The following MSH5 variants were observed in gnomAD, a reference collection of about 807,000 sequenced individuals.
MSH5 encodes mutS homolog 5.
A neutral mutation model predicts 107.7 loss-of-function variants in MSH5; 78 were observed. The ratio of observed to expected loss-of-function variants is 0.72; its 90% confidence interval spans 0.60 to 0.87. The LOEUF (loss-of-function observed/expected upper bound fraction) is 0.87, where lower values mean the gene tolerates loss of function less well. MSH5 is among the 40% of genes least tolerant of loss of function. MSH5 has a pLI of 0.00. For missense variants in MSH5, 889 were observed against 1,046.6 expected, an observed-to-expected ratio of 0.85 and a Z score of 2.08; for synonymous variants, 326 against 399.5, an observed-to-expected ratio of 0.82 and a Z score of 2.19.
At chr6:31,752,180 C>T (rs1810021490) in intron 10 of MSH5, among the ~76,000 whole-genome samples, 1 of 151,960 alleles carries the variant, frequency 6.6e-6, no homozygotes, top group Admixed American at 6.6e-5. Flanking sequence ...GTGGCTCATG[C>T]CTGTAATCCC....
In MSH5 at chr6:31,762,401, G is replaced by A. The variant is rs1256102911; in HGVS notation, c.2394-19G>A. On this transcript the variant is annotated intron_variant, in intron 24 of 24. Coordinates refer to ENST00000375750, the MANE Select transcript of MSH5 (RefSeq NM_172166.4). ...TTGTCCATTCTGCCATAAATCTTGCGATTTTCTCTCTTCTTCAGTTGCCAG... is the reference window on the plus strand; with the variant it reads ...TTGTCCATTCTGCCATAAATCTTGCAATTTTCTCTCTTCTTCAGTTGCCAG... The A allele has an allele frequency of 7.6e-6, 12 of 1,585,350 alleles. No individual in the cohort carries two copies. Among genetic ancestry groups the A allele is most frequent in the South Asian group, 1.1e-5 (1 of 90,476 alleles).
At chr6:31,756,065 T>C (rs1003860978) in intron 12 of MSH5, among the ~76,000 whole-genome samples, 1 of 151,984 alleles carries the variant, frequency 6.6e-6, no homozygotes, top group Non-Finnish European at 1.5e-5. Flanking sequence ...TTTTCAATAC[T>C]GTTTTAGAAG....
At chr6:31,741,413 C>T (rs967366316) in intron 3 of MSH5, 127 bp downstream of exon 3, 111 of 1,310,682 alleles carry the variant, frequency 8.5e-5, no homozygotes, top group Non-Finnish European at 1.1e-4. Context: ...GAGTCTTGCT[C>T]TGTTACCCAG....
chr6:31,746,996 T>G (rs1050195285), intron 9 of MSH5, among the ~76,000 whole-genome samples: 2 of 152,082 alleles, frequency 1.3e-5, no homozygotes, highest in Admixed American at 1.3e-4. Flanking sequence ...ATTTTTTGTA[T>G]TTTTAGTAGA....
rs759352714 is a variant in MSH5, at chr6:31,759,598, G to A, written c.1495+86G>A. 2.4e-4 allele frequency: 345 copies of A among 1,464,116 alleles called. No individual in the cohort carries two copies. Among genetic ancestry groups the A allele is most frequent in the Admixed American group, 3.8e-4 (21 of 55,976 alleles). The allele number at this position is 1,464,116 out of a possible 1,614,324, so 90.7% of individuals were successfully genotyped here. ...GAAGGAGGGGAGTGGGCAACTTGGG[G>A]ATGCTTCCAACAGGCCCCTCCTCTT... On this transcript the variant is annotated intron_variant, in intron 17 of 24. Coordinates refer to ENST00000375750, the MANE Select transcript of MSH5 (RefSeq NM_172166.4). This position sits in a 1 kb window ranked among gnomAD's most constrained non-coding sequence, Gnocchi z 4.7.
At chr6:31,743,220 CT>C (rs1809080776) in intron 5 of MSH5, 50 bp downstream of exon 5, 3 of 1,576,162 alleles carry the variant, frequency 1.9e-6, no homozygotes, top group Admixed American at 1.7e-5. Flanking sequence ...GTGTCCCATT[CT>C]TTCCCCCAAC....
At position 31,761,573 on chromosome 6, in the gene MSH5, T is replaced by C. The variant is rs763835975; in HGVS notation, c.2139T>C (p.Val713=). Residue 713 remains valine, a synonymous_variant, in exon 22 of 25, where the codon GTT becomes GTC. Transcript: ENST00000375750. The surrounding 1 kb of genome is among the most constrained non-coding windows in gnomAD (Gnocchi z 5.3). Reference sequence around the variant, plus strand: ...TGGCCACCAACTTTCTGAGCCTTGTTCAGCTACAACTGCTGCCACAAGGGC... The same window carrying C: ...TGGCCACCAACTTTCTGAGCCTTGTCCAGCTACAACTGCTGCCACAAGGGC... ...IFVATNFLSL[V]QLQLLPQGPL... is the part of the protein sequence containing the mutation. 1 of 1,613,942 alleles carries C rather than the reference T, an allele frequency of 6.2e-7. No homozygotes were observed. The highest frequency in any genetic ancestry group is 1.3e-5 in the African/African-American group (1 of 74,942).
At position 31,760,579 on chromosome 6, in the gene MSH5, C is replaced by G. The variant is rs1257982586; in HGVS notation, c.1813-111C>G. 9.4e-6 allele frequency: 13 copies of G among 1,386,854 alleles called. No individual in the cohort carries two copies. The highest frequency in any genetic ancestry group is 1.2e-5 in the Non-Finnish European group (12 of 981,202). 85.9% of individuals were successfully genotyped at this position (1,386,854 alleles called of 1,614,324 possible). ...GAGTCAGTGTGTCTGTTACCTATTT[C>G]TCCTGTTTCACCCTGTCCATTTCTC... is the stretch of plus-strand genomic sequence containing the variant. On this transcript the variant is annotated intron_variant, in intron 19 of 24. Coordinates refer to ENST00000375750, the MANE Select transcript of MSH5 (RefSeq NM_172166.4). The surrounding 1 kb of genome is among the most constrained non-coding windows in gnomAD (Gnocchi z 5.6).
Position 31,743,997 on chromosome 6 carries a change from C to G in MSH5, c.509C>G (p.Ser170Cys), listed in dbSNP as rs544248641. ...TATEKILFLSSIIPFDCLLTV... is the reference protein window; with the variant it reads ...TATEKILFLSCIIPFDCLLTV... ...ACTGAGAAAATCCTCTTCCTCTCTTCCATTATTCCCTTTGACTGCCTCCTC... is the reference window on the plus strand; with the variant it reads ...ACTGAGAAAATCCTCTTCCTCTCTTGCATTATTCCCTTTGACTGCCTCCTC... Residue 170 changes from serine to cysteine, a missense_variant, in exon 6 of 25, where the codon TCC becomes TGC. This residue lies in a region of MSH5 where 518 missense variants were observed against 565.0 expected (regional missense o/e 0.92). Coordinates refer to ENST00000375750, the MANE Select transcript of MSH5 (RefSeq NM_172166.4). 11 of 1,614,166 alleles carry G rather than the reference C, an allele frequency of 6.8e-6. No individual in the cohort carries two copies. Among genetic ancestry groups the G allele is most frequent in the Non-Finnish European group, 9.3e-6 (11 of 1,180,046 alleles).
chr6:31,740,013 G>A lies in MSH5; in HGVS notation c.-63G>A, dbSNP rs932617839. On this transcript the variant is annotated 5_prime_UTR_variant, in exon 1 of 25. Coordinates refer to ENST00000375750, the MANE Select transcript of MSH5 (RefSeq NM_172166.4). The surrounding 1 kb of genome is among the most constrained non-coding windows in gnomAD (Gnocchi z 4.4). ...CACGCGCCGGCGCGCTCCTTTTGCA[G>A]GCTCGTGGCGGTCGGTCAGCGGGGC... 1 of 153,028 alleles carries A rather than the reference G, an allele frequency of 6.5e-6. No individual in the cohort carries two copies. Among genetic ancestry groups the A allele is most frequent in the Non-Finnish European group, 1.5e-5 (1 of 68,764 alleles). The allele number at this position is 153,028 out of a possible 1,614,324, so 9.5% of individuals were successfully genotyped here. A position where few individuals can be genotyped will look rare whatever the true frequency, so the allele number is the denominator to read the frequency against.
chr6:31,742,786 A>G (rs1345847724), intron 3 of MSH5, 91 bp from the exon 4 acceptor site: 3 of 1,208,190 alleles, frequency 2.5e-6, no homozygotes, highest in South Asian at 1.2e-5. Context: ...GTTTTTGAGA[A>G]GGAGAGGGGT....
Position 31,758,443 on chromosome 6 carries a change from A to G in MSH5, c.1144-105A>G. On this transcript the variant is annotated intron_variant, in intron 13 of 24. Coordinates refer to ENST00000375750, the MANE Select transcript of MSH5 (RefSeq NM_172166.4). The surrounding 1 kb of genome is among the most constrained non-coding windows in gnomAD (Gnocchi z 5.1). ...AGCAGAACTTCAGGGAAGTATCTGG[A>G]GGGTGAGAGTTAAAGGAGGACTGCA... 1 of 1,553,358 alleles carries G rather than the reference A, an allele frequency of 6.4e-7. No homozygotes were observed. The highest frequency in any genetic ancestry group is 2.3e-5 in the East Asian group (1 of 44,406).
intron 12 of MSH5, chr6:31,757,915 C>A: frequency 1.8e-6 from 1 of 546,146 alleles, no homozygotes; most frequent in Admixed American, 3.3e-5. Flanking sequence ...GGTGATCTAC[C>A]CACCTCAGCC....
Position 31,743,984 on chromosome 6 carries a change from C to G in MSH5, c.496C>G (p.Leu166Val), listed in dbSNP as rs200847013. 7.4e-6 allele frequency: 12 copies of G among 1,613,930 alleles called. No homozygotes were observed. Among genetic ancestry groups the G allele is most frequent in the Non-Finnish European group, 1.0e-5 (12 of 1,180,048 alleles). The change falls in exon 6 of 25, where the codon CTC becomes GTC. Residue 166 changes from leucine (L) to valine (V), a missense_variant. By Grantham distance (32) the Leu-to-Val change is conservative (BLOSUM62 1). Coordinates refer to ENST00000375750, the MANE Select transcript of MSH5 (RefSeq NM_172166.4). ...PDAMTATEKILFLSSIIPFDC... is the reference protein window; with the variant it reads ...PDAMTATEKIVFLSSIIPFDC... ...CGCCATGACTGCCACTGAGAAAATC[C>G]TCTTCCTCTCTTCCATTATTCCCTT...
chr6:31,751,286 G>A (rs1581535155), intron 10 of MSH5, among the ~76,000 whole-genome samples: 1 of 151,900 alleles, frequency 6.6e-6, no homozygotes, highest in Admixed American at 6.6e-5. Flanking sequence ...GTGAGCCACC[G>A]CACCTGGCCT....
In MSH5 at chr6:31,761,326, A is replaced by C. The variant is rs1433457522; in HGVS notation, c.2037+64A>C. 10 of 1,607,036 alleles carry C rather than the reference A, an allele frequency of 6.2e-6. No homozygotes were observed. Among genetic ancestry groups the C allele is most frequent in the Non-Finnish European group, 8.5e-6 (10 of 1,175,398 alleles). On this transcript the variant is annotated intron_variant, in intron 21 of 24. Coordinates refer to ENST00000375750, the MANE Select transcript of MSH5 (RefSeq NM_172166.4). This position sits in a 1 kb window ranked among gnomAD's most constrained non-coding sequence, Gnocchi z 5.3. ...GGAAAATGGAGGAGGATGAAGGAGC[A>C]TGACAGTGAGGCTGGGCCTCTGGAA...
In MSH5 at chr6:31,761,981, C is replaced by T. The variant is rs1241193934; in HGVS notation, c.2319+26C>T. On this transcript the variant is annotated intron_variant, in intron 23 of 24. Coordinates refer to ENST00000375750, the MANE Select transcript of MSH5 (RefSeq NM_172166.4). This position sits in a 1 kb window ranked among gnomAD's most constrained non-coding sequence, Gnocchi z 5.3. The stretch of plus-strand genomic sequence containing the variant: ...GTGATGAGATCCAAATGTGCAACCA[C>T]CTCCACATCAGAGCTCCCTTTCATT... 3 of 1,613,550 alleles carry T rather than the reference C, an allele frequency of 1.9e-6. No individual in the cohort carries two copies. The highest frequency in any genetic ancestry group is 2.7e-5 in the African/African-American group (2 of 74,914).
chr6:31,741,471 T>G (rs1277812379), intron 3 of MSH5, among the ~76,000 whole-genome samples, 185 bp downstream of exon 3: 2 of 151,962 alleles, frequency 1.3e-5, no homozygotes, highest in Non-Finnish European at 2.9e-5. Flanking sequence ...CTCCACCTCC[T>G]GGGTTCAAGC....
rs1562244245 is a variant in MSH5 at position 31,758,529 on chromosome 6, A to G, written c.1144-19A>G. On this transcript the variant is annotated intron_variant, in intron 13 of 24. Transcript: ENST00000375750. The surrounding 1 kb of genome is among the most constrained non-coding windows in gnomAD (Gnocchi z 5.1). ...GACAGAGGGTGCCAGGTCCTAAGAA[A>G]CAGTACTTATCTCCTCAGGTGGACT... is the stretch of plus-strand genomic sequence containing the variant. 3 of 1,612,846 alleles carry G rather than the reference A, an allele frequency of 1.9e-6. No homozygotes were observed. The highest frequency in any genetic ancestry group is 1.7e-6 in the Non-Finnish European group (2 of 1,179,918).
Sources: allele counts gnomAD v4.1 joint callset (sites outside exome capture counted in the v4.1 genomes callset), GRCh38; gene constraint gnomAD v4.1.1; regional missense constraint gnomAD v4.1.1; non-coding constraint Gnocchi (gnomAD v3.1); transcripts MANE v1.5; gene names NCBI Gene and HGNC (gene_info 2026-07-23, HGNC 2026-07-21).